The following PSMD2 variants were observed in gnomAD, a reference collection of about 807,000 sequenced individuals.
The protein encoded by PSMD2 is 26S proteasome non-ATPase regulatory subunit 2.
In PSMD2, 8 loss-of-function variants were observed where a neutral mutation model predicts 101.5. That is an observed-to-expected ratio of 0.08 (90% CI 0.05 to 0.14). The LOEUF (loss-of-function observed/expected upper bound fraction) is 0.14, where lower values mean the gene tolerates loss of function less well. Among genes scored for constraint, PSMD2 ranks in the 10% least tolerant of loss-of-function variants. The pLI is 1.00. For missense variants in PSMD2, 784 were observed against 1,147.4 expected (o/e 0.68, Z 4.58); for synonymous variants, 418 against 433.8 (o/e 0.96, Z 0.45).
At position 184,306,399 on chromosome 3, in the gene PSMD2, A is replaced by G; in HGVS notation, c.1854A>G (p.Glu618=). 6.2e-7 allele frequency: 1 copy of G among 1,614,186 alleles called. No homozygotes were observed. The highest frequency in any genetic ancestry group is 8.5e-7 in the Non-Finnish European group (1 of 1,180,026). The change falls in exon 15 of 21, where the codon GAA becomes GAG. Residue 618 remains glutamate (E), a synonymous_variant. Transcript: ENST00000310118. Reference sequence around the variant, plus strand: ...AGCAGCTGCTCCACATTTGTAGCGAACACTTTGACTCCAAAGAGAAGGAGG... The same window carrying G: ...AGCAGCTGCTCCACATTTGTAGCGAGCACTTTGACTCCAAAGAGAAGGAGG... ...KVQQLLHICS[E]HFDSKEKEED...
chr3:184,306,535 A>G, intron 15 of PSMD2, 40 bp downstream of exon 15: 1 of 1,600,736 alleles, frequency 6.2e-7, no homozygotes, highest in South Asian at 1.1e-5. Flanking sequence ...AGGCTGTGAG[A>G]AGAGATAAGC....
chr3:184,300,202 G>T, intron 2 of PSMD2, 78 bp from the exon 3 acceptor site: 1 of 1,390,572 alleles, frequency 7.2e-7, no homozygotes, highest in Non-Finnish European at 9.9e-7. Flanking sequence ...TGGAGGAGTT[G>T]TTAAGTTAAA....
At chr3:184,305,726 T>G in intron 12 of PSMD2, 42 bp from the exon 13 acceptor site, 1 of 1,565,754 alleles carries the variant, frequency 6.4e-7, no homozygotes, top group Non-Finnish European at 8.7e-7. Flanking sequence ...CATAAATATT[T>G]TAATAACTTA....
At chr3:184,301,785 G>T in intron 4 of PSMD2, 62 bp from the exon 5 acceptor site, 2 of 1,610,872 alleles carry the variant, frequency 1.2e-6, no homozygotes, top group South Asian at 1.1e-5. Context: ...TGGATTCCTT[G>T]ACCCACAGAG....
rs186752843 is a variant in PSMD2, at chr3:184,301,561, G to A, written c.382G>A (p.Val128Ile). ...NKRFAADIIS[V>I]LAMTMSGERE... ...GCGTTTTGCTGCTGACATCATCTCC[G>A]TTTTGGCCATGACCATGAGTGGGGA... is the stretch of plus-strand genomic sequence containing the variant. The change falls in exon 4 of 21, where the codon GTT (valine) becomes ATT (isoleucine). Residue 128 changes from valine to isoleucine, a missense_variant. Transcript: ENST00000310118. 2.8e-5 allele frequency: 45 copies of A among 1,613,940 alleles called. 1 individual carries two copies. The Admixed American group carries it at 6.0e-4, about 22-fold the overall frequency.
At chr3:184,302,328 G>A (rs1721674215) in intron 5 of PSMD2, 42 bp from the exon 6 acceptor site, 3 of 1,595,426 alleles carry the variant, frequency 1.9e-6, no homozygotes, top group Non-Finnish European at 2.6e-6. Context: ...GAAAATGAGT[G>A]CCTGGGACTT....
chr3:184,300,014 G>T (rs1721590616), intron 2 of PSMD2, 107 bp downstream of exon 2: 2 of 1,073,324 alleles, frequency 1.9e-6, no homozygotes, highest in Non-Finnish European at 2.9e-6. Context: ...TTTAGGGTCA[G>T]TGTTATGATG....
chr3:184,299,369 G>A lies in PSMD2; in HGVS notation c.103G>A (p.Asp35Asn). 1 of 1,405,928 alleles carries A rather than the reference G, an allele frequency of 7.1e-7. No homozygotes were observed. Among genetic ancestry groups the A allele is most frequent in the Non-Finnish European group, 9.2e-7 (1 of 1,083,260 alleles). 87.1% of individuals were successfully genotyped at this position (1,405,928 alleles called of 1,614,324 possible). ...GAAGCCGAGCGGCAAGGAGCGGCGG[G>A]ATGCCGGGGACAAGGACAAAGAACA... Reference protein sequence around the residue: ...DEKPSGKERRDAGDKDKEQEL... With the variant: ...DEKPSGKERRNAGDKDKEQEL... The change falls in exon 1 of 21, where the codon GAT becomes AAT. Residue 35 changes from aspartate (D) to asparagine (N), a missense_variant. Physicochemically the swap from Asp to Asn is conservative, Grantham distance 23. Around this residue, in one of 6 missense-constraint regions of PSMD2, gnomAD observed 196 missense variants for 182.4 expected, o/e 1.07. Coordinates refer to ENST00000310118, the MANE Select transcript of PSMD2 (RefSeq NM_002808.5).
intron 9 of PSMD2, 77 bp from the exon 10 acceptor site, chr3:184,303,566 C>T (rs535101668): frequency 1.9e-6 from 3 of 1,607,384 alleles, no homozygotes; most frequent in African/African-American, 2.7e-5. Context: ...CCATGCAGTT[C>T]TTTGGAGAGC....
Position 184,300,432 on chromosome 3 carries a change from T to G in PSMD2, c.345T>G (p.Pro115=). 1 of 1,613,574 alleles carries G rather than the reference T, an allele frequency of 6.2e-7. No homozygotes were observed. ...AGGAAATCTATGAGAACATGGCCCC[T>G]GGGGAGAATAAGGTAAAACTGTTTC... ...KLKEIYENMA[P]GENKRFAADI... The change falls in exon 3 of 21, where the codon CCT becomes CCG. Residue 115 remains proline, a synonymous_variant. Coordinates refer to ENST00000310118, the MANE Select transcript of PSMD2 (RefSeq NM_002808.5).
intron 12 of PSMD2, 58 bp from the exon 13 acceptor site, chr3:184,305,710 T>C (rs1014542334): frequency 1.3e-6 from 2 of 1,510,100 alleles, no homozygotes; most frequent in Admixed American, 1.8e-5. Context: ...CTATCTTGAA[T>C]CAAGACATAA....
chr3:184,302,314 T>C, intron 5 of PSMD2, 56 bp from the exon 6 acceptor site: 1 of 1,425,066 alleles, frequency 7.0e-7, no homozygotes, highest in Non-Finnish European at 9.7e-7. Context: ...AGTGAATTCA[T>C]GGGGAAAATG....
At position 184,307,646 on chromosome 3, in the gene PSMD2, C is replaced by G. The variant is rs1258483475; in HGVS notation, c.2236C>G (p.Arg746Gly). Residue 746 changes from arginine (R) to glycine (G), a missense_variant, in exon 18 of 21, where the codon CGC becomes GGC. By Grantham distance (125) the Arg-to-Gly change is moderately radical. Around this residue, in one of 6 missense-constraint regions of PSMD2, gnomAD observed 282 missense variants for 437.6 expected, o/e 0.64. Transcript: ENST00000310118. ...TAATGCCCGTCTGGCTGCAATGCTGCGCCAGTTAGCTCAATATCATGCCAA... is the reference window on the plus strand; with the variant it reads ...TAATGCCCGTCTGGCTGCAATGCTGGGCCAGTTAGCTCAATATCATGCCAA... ...TNNARLAAMLRQLAQYHAKDP... is the reference protein window; with the variant it reads ...TNNARLAAMLGQLAQYHAKDP... 1.2e-6 allele frequency: 2 copies of G among 1,614,102 alleles called. No individual in the cohort carries two copies. The highest frequency in any genetic ancestry group is 8.5e-7 in the Non-Finnish European group (1 of 1,180,022).
At position 184,303,381 on chromosome 3, in the gene PSMD2, G is replaced by A. The variant is rs1721715873; in HGVS notation, c.1131G>A (p.Val377=). Residue 377 remains valine, a synonymous_variant, in exon 9 of 21, where the codon GTG becomes GTA. Coordinates refer to ENST00000310118, the MANE Select transcript of PSMD2 (RefSeq NM_002808.5). ...GCATGAACCTGGCCTCCTCTTTTGT[G>A]AATGGCTTTGTGAATGCAGCTTTTG... is the stretch of plus-strand genomic sequence containing the variant. ...SARMNLASSF[V]NGFVNAAFGQ... is the part of the protein sequence containing the mutation. The A allele has an allele frequency of 3.1e-6, 5 of 1,614,154 alleles. No homozygotes were observed. The highest frequency in any genetic ancestry group is 2.7e-5 in the African/African-American group (2 of 75,020).
chr3:184,304,243 G>C lies in PSMD2; in HGVS notation c.1452-61G>C. On this transcript the variant is annotated intron_variant, in intron 11 of 20. Transcript: ENST00000310118. This position sits in a 1 kb window ranked among gnomAD's most constrained non-coding sequence, Gnocchi z 4.1. ...TGAATGAATGACCGATTCTCCTTTT[G>C]TTCTTTTCTTGCTGCATCGTTGGGT... The C allele has an allele frequency of 6.4e-7, 1 of 1,574,146 alleles. No individual in the cohort carries two copies.
At chr3:184,306,189 C>G in intron 14 of PSMD2, 34 bp downstream of exon 14, 2 of 1,608,132 alleles carry the variant, frequency 1.2e-6, no homozygotes, top group Non-Finnish European at 1.7e-6. Context: ...TTGTGCTTCC[C>G]CAGTGACTCC....
chr3:184,302,726 T>G lies in PSMD2; in HGVS notation c.911T>G (p.Phe304Cys). The change falls in exon 7 of 21, where the codon TTC (phenylalanine) becomes TGC (cysteine). Residue 304 changes from phenylalanine to cysteine, a missense_variant. Phe to Cys is a radical substitution (Grantham distance 205). Coordinates refer to ENST00000310118, the MANE Select transcript of PSMD2 (RefSeq NM_002808.5). Reference sequence around the variant, plus strand: ...TTCATGCTAGGCCGGCATGGGGTGTTCCTGGAGCTGAGTGAAGATGTCGAG... The same window carrying G: ...TTCATGCTAGGCCGGCATGGGGTGTGCCTGGAGCTGAGTGAAGATGTCGAG... ...MAFMLGRHGVFLELSEDVEEY... is the reference protein window; with the variant it reads ...MAFMLGRHGVCLELSEDVEEY... 6.2e-7 allele frequency: 1 copy of G among 1,614,130 alleles called. No homozygotes were observed. The highest frequency in any genetic ancestry group is 8.5e-7 in the Non-Finnish European group (1 of 1,180,028).
At position 184,308,095 on chromosome 3, in the gene PSMD2, A is replaced by C. The variant is rs1721895588; in HGVS notation, c.2425+79A>C. 5.7e-6 allele frequency: 9 copies of C among 1,566,792 alleles called. 1 individual carries two copies. The South Asian group carries it at 9.2e-5, about 16-fold the overall frequency. On this transcript the variant is annotated intron_variant, in intron 19 of 20. Transcript: ENST00000310118. This position sits in a 1 kb window ranked among gnomAD's most constrained non-coding sequence, Gnocchi z 6.0. Reference sequence around the variant, plus strand: ...CTTTCCAGGGCCACTTTGATAATTTAGGTTCAAGACCCCAGTTTAGCTCTG... The same window carrying C: ...CTTTCCAGGGCCACTTTGATAATTTCGGTTCAAGACCCCAGTTTAGCTCTG...
intron 10 of PSMD2, 47 bp downstream of exon 10, chr3:184,303,796 T>C: frequency 6.2e-7 from 1 of 1,606,222 alleles, no homozygotes. Flanking sequence ...CGTTCCATAT[T>C]CTAGTGCCTA....
Sources: allele counts gnomAD v4.1 joint callset, GRCh38; gene constraint gnomAD v4.1.1; regional missense constraint gnomAD v4.1.1; non-coding constraint Gnocchi (gnomAD v3.1); transcripts MANE v1.5; gene names NCBI Gene and HGNC (gene_info 2026-07-23, HGNC 2026-07-21).